The following STAB2 variants were observed in gnomAD, a reference collection of about 807,000 sequenced individuals.
The protein encoded by STAB2 is stabilin 2, also known as stabilin-2.
A neutral mutation model predicts 338.1 loss-of-function variants in STAB2; 288 were observed. The ratio of observed to expected loss-of-function variants is 0.85; its 90% CI spans 0.77 to 0.94. The LOEUF is 0.94. STAB2 is among the 40% of genes least tolerant of loss of function. STAB2 has a pLI of 0.00. For missense variants in STAB2, 3,141 were observed against 3,210.1 expected (o/e 0.98, Z 0.52); for synonymous variants, 1,202 against 1,193.3 (o/e 1.01, Z -0.15).
In STAB2 at chr12:103,637,172, A is replaced by C; in HGVS notation, c.645A>C (p.Glu215Asp). The C allele has an allele frequency of 6.2e-7, 1 of 1,613,112 alleles. No individual in the cohort carries two copies. Among genetic ancestry groups the C allele is most frequent in the Non-Finnish European group, 8.5e-7 (1 of 1,179,736 alleles). ...PENSRCSPST[E>D]DENKLECKCL... Reference sequence around the variant, plus strand: ...ATTCCAGATGTTCGCCTTCCACTGAAGATGAAAACAAACTGGAATGCAAAT... The same window carrying C: ...ATTCCAGATGTTCGCCTTCCACTGACGATGAAAACAAACTGGAATGCAAAT... The change falls in exon 7 of 69, where the codon GAA (glutamate) becomes GAC (aspartate). Residue 215 changes from glutamate (E) to aspartate (D), a missense_variant. By Grantham distance (45) the Glu-to-Asp change is conservative. Transcript: ENST00000388887.
chr12:103,692,685 T>C, intron 30 of STAB2, 127 bp from the exon 31 acceptor site: 3 of 659,694 alleles, frequency 4.5e-6, no homozygotes, highest in Non-Finnish European at 7.9e-6. Context: ...AGGTATTTCT[T>C]ACTGTGGGTC....
intron 3 of STAB2, among the ~76,000 whole-genome samples, chr12:103,598,435 G>T (rs761433570): frequency 1.3e-5 from 2 of 152,156 alleles, no homozygotes; most frequent in Non-Finnish European, 2.9e-5. Context: ...GAGTAGTGGT[G>T]ACCCAAGGAA....
At chr12:103,734,326 C>T (rs967930012) in intron 51 of STAB2, among the ~76,000 whole-genome samples, 1 of 150,198 alleles carries the variant, frequency 6.7e-6, no homozygotes, top group African/African-American at 2.5e-5. Flanking sequence ...CATATGGGAG[C>T]AAGCATGATC....
At chr12:103,620,624 AACACACACAC>A (rs34881989) in intron 4 of STAB2, 71 bp downstream of exon 4, 58 of 842,424 alleles carry the variant, frequency 6.9e-5, no homozygotes, top group Non-Finnish European at 9.6e-5. Flanking sequence ...ATCCTCCTTA[AACACACACAC>A]ACACACACAC....
intron 19 of STAB2, among the ~76,000 whole-genome samples, chr12:103,667,621 T>C (rs541570895): frequency 6.6e-6 from 1 of 152,322 alleles, no homozygotes; most frequent in South Asian, 2.1e-4. Context: ...GGGAATCCTG[T>C]GACCCACACC....
At chr12:103,726,213 G>A (rs748147015) in intron 46 of STAB2, 50 bp downstream of exon 46, 19 of 1,595,550 alleles carry the variant, frequency 1.2e-5, no homozygotes, top group Admixed American at 1.7e-5. Context: ...CCTAGGCCAG[G>A]TGCAGTGGCT....
At chr12:103,672,345 G>A (rs1380904634) in intron 22 of STAB2, among the ~76,000 whole-genome samples, 2 of 152,148 alleles carry the variant, frequency 1.3e-5, no homozygotes, top group Admixed American at 1.3e-4. Context: ...GACAATGTTG[G>A]CATTTGTCTG....
At chr12:103,667,595 T>TA (rs1450576662) in intron 19 of STAB2, among the ~76,000 whole-genome samples, 2 of 152,280 alleles carry the variant, frequency 1.3e-5, no homozygotes, top group East Asian at 3.9e-4. Flanking sequence ...AAAGAAGCCC[T>TA]CAAATCACCC....
chr12:103,668,485 C>A, intron 19 of STAB2, 158 bp from the exon 20 acceptor site: 1 of 641,668 alleles, frequency 1.6e-6, no homozygotes, highest in Non-Finnish European at 2.8e-6. Context: ...GGTGTCCAAG[C>A]TCTGATGTAG....
chr12:103,686,824 G>A (rs574043921), intron 27 of STAB2, among the ~76,000 whole-genome samples: 6 of 152,196 alleles, frequency 3.9e-5, no homozygotes, highest in Middle Eastern at 3.4e-3. Flanking sequence ...GCTTTCCGCT[G>A]CAGTTTAGCC....
intron 5 of STAB2, among the ~76,000 whole-genome samples, chr12:103,624,259 G>T (rs1957347158): frequency 6.6e-6 from 1 of 152,194 alleles, no homozygotes. Flanking sequence ...CTGCCTGCCT[G>T]GTAGACACTC....
At chr12:103,610,879 T>C (rs2138597062) in intron 3 of STAB2, among the ~76,000 whole-genome samples, 1 of 152,358 alleles carries the variant, frequency 6.6e-6, no homozygotes, top group African/African-American at 2.4e-5. Flanking sequence ...GAGATTCTGG[T>C]ATGTTGTGTC....
chr12:103,601,345 A>G (rs1956951681), intron 3 of STAB2, among the ~76,000 whole-genome samples: 1 of 152,216 alleles, frequency 6.6e-6, no homozygotes, highest in Admixed American at 6.5e-5. Flanking sequence ...TAATCCCAGC[A>G]CTTTGGGAGG....
In STAB2 at chr12:103,755,599, C is replaced by T. The variant is rs1362925372; in HGVS notation, c.6881-13C>T. 6.2e-7 allele frequency: 1 copy of T among 1,614,006 alleles called. No homozygotes were observed. Among genetic ancestry groups the T allele is most frequent in the Admixed American group, 1.7e-5 (1 of 60,016 alleles). The stretch of plus-strand genomic sequence containing the variant: ...CTTACTTGTGTGGGACCCTGTGTGC[C>T]TCTGCCCTCCAGATGTGAACTGCAC... On this transcript the variant is annotated splice_polypyrimidine_tract_variant and intron_variant, in intron 62 of 68. Transcript: ENST00000388887.
chr12:103,753,438 G>A (rs1245060214), intron 61 of STAB2, 85 bp downstream of exon 61: 43 of 1,585,612 alleles, frequency 2.7e-5, no homozygotes, highest in Non-Finnish European at 3.6e-5. Context: ...GAAGACTTGA[G>A]CTGTTGCCTT....
chr12:103,601,898 A>AT (rs1434644078), intron 3 of STAB2, among the ~76,000 whole-genome samples: 1 of 152,220 alleles, frequency 6.6e-6, no homozygotes, highest in Non-Finnish European at 1.5e-5. Flanking sequence ...TTAATCAATC[A>AT]TTTTTTGGAT....
chr12:103,622,946 A>G (rs2138638862), intron 5 of STAB2, among the ~76,000 whole-genome samples: 1 of 152,338 alleles, frequency 6.6e-6, no homozygotes, highest in South Asian at 2.1e-4. Context: ...GGGAGTTCAC[A>G]AATAATTCCC....
At chr12:103,711,104 A>G (rs941267082) in intron 39 of STAB2, among the ~76,000 whole-genome samples, 2 of 152,262 alleles carry the variant, frequency 1.3e-5, no homozygotes, top group African/African-American at 4.8e-5. Flanking sequence ...TAGAAAGAAT[A>G]GCATAGGAAA....
At chr12:103,702,339 C>T (rs1428066362) in intron 34 of STAB2, among the ~76,000 whole-genome samples, 3 of 151,214 alleles carry the variant, frequency 2.0e-5, no homozygotes, top group Admixed American at 6.6e-5. Context: ...TCGCCCAGGC[C>T]GGACTGCGGA....
Sources: gnomAD v4.1 joint callset for allele counts (sites outside exome capture counted in the v4.1 genomes callset) on GRCh38, gnomAD v4.1.1 for gene constraint, MANE v1.5 for transcripts, NCBI Gene and HGNC (gene_info 2026-07-23, HGNC 2026-07-21) for gene names.